The following RCC2 variants were observed in gnomAD, a reference collection of about 807,000 sequenced individuals.
The protein encoded by RCC2 is regulator of chromosome condensation 2, also known as protein RCC2.
A neutral mutation model predicts 64.1 loss-of-function variants in RCC2; 19 were observed. The ratio of observed to expected loss-of-function variants is 0.30; its 90% CI spans 0.21 to 0.44. RCC2 has a LOEUF of 0.44. RCC2 is among the 20% of genes least tolerant of loss of function. The pLI, the probability that RCC2 is intolerant of heterozygous loss-of-function variation, is 1.00. For missense variants in RCC2, 508 were observed against 710.4 expected (o/e 0.72, Z 3.24); for synonymous variants, 325 against 279.6 (o/e 1.16, Z -1.62).
chr1:17,411,378 A>AC (rs2075422724), intron 11 of RCC2, among the ~76,000 whole-genome samples: 1 of 152,084 alleles, frequency 6.6e-6, no homozygotes, highest in Non-Finnish European at 1.5e-5. Flanking sequence ...GGAGTTCAAG[A>AC]CAGCCTGGCC....
intron 3 of RCC2, among the ~76,000 whole-genome samples, chr1:17,426,961 A>T (rs1032259453): frequency 3.3e-5 from 5 of 151,948 alleles, no homozygotes; most frequent in African/African-American, 1.2e-4. Flanking sequence ...GGGTTTCACC[A>T]TATTGGCCAG....
chr1:17,425,199 C>A (rs1255647157), intron 4 of RCC2, among the ~76,000 whole-genome samples: 1 of 152,138 alleles, frequency 6.6e-6, no homozygotes, highest in Non-Finnish European at 1.5e-5. Flanking sequence ...AGGAAGGAAA[C>A]TGTCTGCTGG....
chr1:17,412,358 A>G (rs1342003911), intron 10 of RCC2, among the ~76,000 whole-genome samples, 164 bp from the exon 11 acceptor site: 1 of 152,204 alleles, frequency 6.6e-6, no homozygotes, highest in Non-Finnish European at 1.5e-5. Flanking sequence ...CAATCCTAAG[A>G]TTGTTCCGTG....
rs148526460 is a variant in RCC2 at position 17,416,617 on chromosome 1, G to A, written c.889C>T (p.Arg297Trp). 2.5e-6 allele frequency: 4 copies of A among 1,613,422 alleles called. No individual in the cohort carries two copies. The highest frequency in any genetic ancestry group is 1.3e-5 in the African/African-American group (1 of 74,888). Residue 297 changes from arginine to tryptophan, a missense_variant, in exon 8 of 13, where the codon CGG becomes TGG. Arg to Trp is a moderately radical substitution (Grantham distance 101). Coordinates refer to ENST00000375436, the MANE Select transcript of RCC2 (RefSeq NM_018715.4). ...CAGTCGTACTCTATCCGCTGTGCCC[G>A]GGCGATGAACTTCCCATCTGAGTTG... ...GHNSDGKFIA[R>W]AQRIEYDCEL...
chr1:17,437,986 GC>G (rs886291475), intron 2 of RCC2, among the ~76,000 whole-genome samples: 6 of 145,046 alleles, frequency 4.1e-5, no homozygotes, highest in Admixed American at 2.0e-4. Flanking sequence ...CCGGGCGCGC[GC>G]CCCAACCGCC....
At chr1:17,431,359 A>AAAAAAAAAAAT (rs1553158471) in intron 2 of RCC2, among the ~76,000 whole-genome samples, 3 of 44,932 alleles carry the variant, frequency 6.7e-5, no homozygotes, top group Non-Finnish European at 1.1e-4. Context: ...AAAAAAAAAA[A>AAAAAAAAAAAT]ATATATATAT....
rs551755276 is a variant in RCC2, at chr1:17,417,205, G to A, written c.860-559C>T. On this transcript the variant is annotated intron_variant, in intron 7 of 12. Coordinates refer to ENST00000375436, the MANE Select transcript of RCC2 (RefSeq NM_018715.4). ...CTAAAGCCTGCAATTCCCACACTCC[G>A]AATGACCCAGGGACTGGTTCGCAAA... Among the ~76,000 whole-genome samples, 6 of 152,286 alleles carry A rather than the reference G, an allele frequency of 3.9e-5. No individual in the cohort carries two copies. The South Asian group carries it at 6.2e-4, about 16-fold the overall frequency.
intron 9 of RCC2, 119 bp downstream of exon 9, chr1:17,413,418 C>CA (rs1212796885): frequency 1.1e-5 from 13 of 1,161,514 alleles, no homozygotes; most frequent in Non-Finnish European, 1.4e-5. Context: ...GTTCCTGTCT[C>CA]AAAAAAATAA....
At chr1:17,436,930 T>TCTAGC (rs2075741057) in intron 2 of RCC2, among the ~76,000 whole-genome samples, 1 of 152,196 alleles carries the variant, frequency 6.6e-6, no homozygotes, top group Admixed American at 6.5e-5. Context: ...CATTGTCTAG[T>TCTAGC]CTAGCCTGAT....
chr1:17,439,344 T>C (rs2075781119), intron 1 of RCC2, among the ~76,000 whole-genome samples: 1 of 150,666 alleles, frequency 6.6e-6, no homozygotes, highest in Non-Finnish European at 1.5e-5. Context: ...TTTTTTTTTT[T>C]TTAATTGATT....
intron 8 of RCC2, among the ~76,000 whole-genome samples, chr1:17,415,906 T>C (rs533328912): frequency 4.0e-5 from 6 of 151,214 alleles, no homozygotes; most frequent in African/African-American, 1.2e-4. Context: ...CTGTCTCTAC[T>C]GAAAATACAA....
chr1:17,409,919 G>A, intron 12 of RCC2, 55 bp downstream of exon 12: 2 of 1,422,094 alleles, frequency 1.4e-6, no homozygotes, highest in Non-Finnish European at 2.0e-6. Context: ...CATGAGGAGT[G>A]ACATACCACT....
chr1:17,427,714 C>T (rs1415313290), intron 3 of RCC2, among the ~76,000 whole-genome samples: 1 of 152,062 alleles, frequency 6.6e-6, no homozygotes, highest in East Asian at 1.9e-4. Flanking sequence ...TGCTCCTGGA[C>T]TTACCAAAGC....
Position 17,425,778 on chromosome 1 carries a change from ACCAGGGACAGGTGTT to A in RCC2, c.380-109_380-95del, listed in dbSNP as rs2075609036. 2.2e-6 allele frequency: 3 copies of A among 1,337,836 alleles called. No homozygotes were observed. The South Asian group carries it at 4.1e-5, about 18-fold the overall frequency. 82.9% of individuals were successfully genotyped at this position (1,337,836 alleles called of 1,614,324 possible). A position where few individuals can be genotyped will look rare whatever the true frequency, so the allele number is the denominator to read the frequency against. On this transcript the variant is annotated intron_variant, in intron 3 of 12. Transcript: ENST00000375436. ...CACCAAGCAGCCACTTCCCGAGGGT[ACCAGGGACAGGTGTT>A]CCTCGGGTGCCACCCTGCCTTGGCT...
chr1:17,407,428 T>C lies in RCC2; in HGVS notation c.*1662A>G, dbSNP rs2100344361. 6.6e-6 allele frequency: 1 copy of C among 152,262 alleles called. No individual in the cohort carries two copies. Among genetic ancestry groups the C allele is most frequent in the Non-Finnish European group, 1.5e-5 (1 of 68,046 alleles). 9.4% of individuals were successfully genotyped at this position (152,262 alleles called of 1,614,324 possible). A position where few individuals can be genotyped will look rare whatever the true frequency, so the allele number is the denominator to read the frequency against. ...TTGGGGTGATTTGGACAAATTAGGT[T>C]AGTTTAGCAAAGCTCTGAAGTAGCA... On this transcript the variant is annotated 3_prime_UTR_variant, in exon 13 of 13. Transcript: ENST00000375436.
chr1:17,420,571 C>CG, intron 7 of RCC2, 143 bp downstream of exon 7: 1 of 498,906 alleles, frequency 2.0e-6, no homozygotes, highest in Non-Finnish European at 3.6e-6. Flanking sequence ...TTCTGCTGAA[C>CG]GTGAGATCCA....
chr1:17,412,877 TC>T (rs2075442208), intron 10 of RCC2, among the ~76,000 whole-genome samples, 195 bp downstream of exon 10: 1 of 152,188 alleles, frequency 6.6e-6, no homozygotes, highest in Admixed American at 6.5e-5. Context: ...GGAACAGCCA[TC>T]TGTTCTAGCA....
Position 17,414,254 on chromosome 1 carries a change from A to G in RCC2, c.1027-537T>C, listed in dbSNP as rs572953239. On this transcript the variant is annotated intron_variant, in intron 8 of 12. Coordinates refer to ENST00000375436, the MANE Select transcript of RCC2 (RefSeq NM_018715.4). ...CCCACTACAACAGAGATTCGGCCAG[A>G]TGCAGTGGCTCATGCCTGTAATCCT... 7.7e-4 allele frequency among the ~76,000 whole-genome samples: 117 copies of G among 152,248 alleles called. 1 individual carries two copies. The highest frequency in any genetic ancestry group is 2.7e-3 in the African/African-American group (113 of 41,554).
intron 2 of RCC2, among the ~76,000 whole-genome samples, chr1:17,436,786 G>A (rs1009663515): frequency 1.3e-5 from 2 of 152,234 alleles, no homozygotes; most frequent in Non-Finnish European, 2.9e-5. Context: ...AGGAGACGCG[G>A]AAGCTCACCT....
Sources: allele counts gnomAD v4.1 joint callset (sites outside exome capture counted in the v4.1 genomes callset), GRCh38; gene constraint gnomAD v4.1.1; transcripts MANE v1.5; gene names NCBI Gene and HGNC (gene_info 2026-07-23, HGNC 2026-07-21).